The following RFFL variants were observed in gnomAD, a reference collection of about 807,000 sequenced individuals.
The protein encoded by RFFL is E3 ubiquitin-protein ligase rififylin.
A neutral mutation model predicts 40.4 loss-of-function variants in RFFL; 16 were observed. That is an observed-to-expected ratio of 0.40 (90% CI 0.27 to 0.60). RFFL has a LOEUF of 0.60. Among genes scored for constraint, RFFL ranks in the 20% least tolerant of loss-of-function variants. The pLI is 0.47. For missense variants in RFFL, 367 were observed against 451.7 expected (o/e 0.81, Z 1.70); for synonymous variants, 154 against 167.9 (o/e 0.92, Z 0.64).
rs527511425 is a variant in RFFL at position 35,076,241 on chromosome 17, G to A, written c.-9+12864C>T. Among the ~76,000 whole-genome samples the A allele has an allele frequency of 4.3e-4, 66 of 151,760 alleles. 1 individual carries two copies. The South Asian group carries it at 0.012, about 27-fold the overall frequency. On this transcript the variant is annotated intron_variant, in intron 1 of 6. Coordinates refer to the RFFL transcript ENST00000315249. ...ATTCCTGACCTCAAGTGATCCGCCC[G>A]CCTCAGGCCTCCAAAAGTGTTGAGA...
At chr17:35,082,829 A>C (rs2091409196) in intron 1 of RFFL, among the ~76,000 whole-genome samples, 1 of 152,204 alleles carries the variant, frequency 6.6e-6, no homozygotes, top group African/African-American at 2.4e-5. Flanking sequence ...AGATGAAAAA[A>C]CTGAAGCTCA....
chr17:35,024,079 A>G (rs2091026514), intron 2 of RFFL, among the ~76,000 whole-genome samples: 1 of 152,206 alleles, frequency 6.6e-6, no homozygotes, highest in East Asian at 1.9e-4. Flanking sequence ...GGAGGCAACC[A>G]ACATGCCTGC....
At chr17:35,056,631 C>T (rs1324318169) in intron 1 of RFFL, among the ~76,000 whole-genome samples, 1 of 152,116 alleles carries the variant, frequency 6.6e-6, no homozygotes, top group Admixed American at 6.6e-5. Flanking sequence ...CCCACTTCAG[C>T]CTCCCAAAGT....
At chr17:35,050,828 CA>C (rs2091227833) in intron 1 of RFFL, among the ~76,000 whole-genome samples, 1 of 152,124 alleles carries the variant, frequency 6.6e-6, no homozygotes, top group Non-Finnish European at 1.5e-5. Context: ...CAGAATTTGC[CA>C]GGTGTGATGG....
intron 1 of RFFL, among the ~76,000 whole-genome samples, chr17:35,041,682 G>A (rs1002383946): frequency 6.6e-5 from 10 of 151,898 alleles, no homozygotes; most frequent in African/African-American, 2.4e-4. Context: ...CCTGAAGGCT[G>A]AGAAAGGATT....
chr17:35,073,777 A>ACACG (rs1167857386), intron 1 of RFFL: 1 of 152,092 alleles, frequency 6.6e-6, no homozygotes, highest in Non-Finnish European at 1.5e-5. Flanking sequence ...ACACAGACAC[A>ACACG]CACGCACACA....
upstream of RFFL, among the ~76,000 whole-genome samples, chr17:35,065,104 T>C (rs951877001): frequency 2.0e-5 from 3 of 152,084 alleles, no homozygotes; most frequent in Middle Eastern, 3.2e-3. Flanking sequence ...TGACAACCAT[T>C]ATCTCTTCAA....
chr17:35,046,004 GAC>G (rs987622569), intron 1 of RFFL, among the ~76,000 whole-genome samples: 3 of 143,852 alleles, frequency 2.1e-5, no homozygotes, highest in Non-Finnish European at 4.5e-5. Context: ...CACCCTGGCT[GAC>G]AGAGTGAGAC....
At chr17:35,048,948 G>A (rs1597830465) in intron 1 of RFFL, among the ~76,000 whole-genome samples, 1 of 152,028 alleles carries the variant, frequency 6.6e-6, no homozygotes, top group African/African-American at 2.4e-5. Context: ...CAGTATCTAC[G>A]CCAAGCAGCA....
At position 35,011,859 on chromosome 17, in the gene RFFL, G is replaced by A; in HGVS notation, c.*109C>T. 9.2e-7 allele frequency: 1 copy of A among 1,084,104 alleles called. No individual in the cohort carries two copies. The highest frequency in any genetic ancestry group is 2.0e-5 in the Admixed American group (1 of 49,218). The allele number at this position is 1,084,104 out of a possible 1,614,324, so 67.2% of individuals were successfully genotyped here. ...GGCATCTTGCTTGACCTGGTTTTGG[G>A]AACCCTGCAATATTTCTACTAGCTT... On this transcript the variant is annotated 3_prime_UTR_variant, in exon 7 of 7. Transcript: ENST00000394597.
chr17:35,015,260 C>G (rs908141022), intron 5 of RFFL, among the ~76,000 whole-genome samples: 2 of 152,220 alleles, frequency 1.3e-5, no homozygotes, highest in African/African-American at 4.8e-5. Flanking sequence ...AGCCAACACA[C>G]CCAGCCTGGT....
chr17:35,056,946 A>G (rs990875575), intron 1 of RFFL, among the ~76,000 whole-genome samples: 1 of 143,108 alleles, frequency 7.0e-6, no homozygotes, highest in African/African-American at 2.6e-5. Flanking sequence ...CAGAGTTTTC[A>G]CTTTTGTTAC....
At chr17:35,015,365 C>T (rs1297921922) in intron 5 of RFFL, among the ~76,000 whole-genome samples, 1 of 152,238 alleles carries the variant, frequency 6.6e-6, no homozygotes, top group Non-Finnish European at 1.5e-5. Flanking sequence ...TTGAAGTCAG[C>T]ATTAAAGTCA....
intron 1 of RFFL, among the ~76,000 whole-genome samples, chr17:35,063,219 G>C (rs2091303381): frequency 6.6e-6 from 1 of 152,038 alleles, no homozygotes. Context: ...ACTTTGGGAG[G>C]CTGAGGAGGG....
At chr17:35,066,152 C>T (rs1340946927), upstream of RFFL, among the ~76,000 whole-genome samples, 3 of 151,960 alleles carry the variant, frequency 2.0e-5, no homozygotes, top group Non-Finnish European at 1.5e-5. Context: ...ACAGAAAATA[C>T]GTTATTTTAA....
chr17:35,027,337 T>C (rs954514660), intron 1 of RFFL, among the ~76,000 whole-genome samples: 2 of 152,234 alleles, frequency 1.3e-5, no homozygotes, highest in African/African-American at 2.4e-5. Flanking sequence ...TATTTATTCA[T>C]TATGTACAGT....
At chr17:35,017,757 C>G in intron 3 of RFFL, 151 bp from the exon 4 acceptor site, 1 of 610,168 alleles carries the variant, frequency 1.6e-6, no homozygotes, top group South Asian at 1.8e-5. Context: ...AAAGCCTGCT[C>G]TCTCATACCA....
At chr17:35,087,768 T>C (rs915474607) in intron 1 of RFFL, among the ~76,000 whole-genome samples, 5 of 152,228 alleles carry the variant, frequency 3.3e-5, no homozygotes, top group African/African-American at 7.2e-5. Flanking sequence ...TTCTGAATTG[T>C]ACTCTAAAAT....
At chr17:35,016,722 G>C in intron 4 of RFFL, 142 bp from the exon 5 acceptor site, 1 of 644,574 alleles carries the variant, frequency 1.6e-6, no homozygotes, top group Non-Finnish European at 2.7e-6. Flanking sequence ...TGAGTACCTG[G>C]CATGGTGCTC....
Sources: allele counts gnomAD v4.1 joint callset (sites outside exome capture counted in the v4.1 genomes callset), GRCh38; gene constraint gnomAD v4.1.1; transcripts MANE v1.5; gene names NCBI Gene and HGNC (gene_info 2026-07-23, HGNC 2026-07-21).